HS3ST2: variants seen among roughly 807,000 people sequenced by gnomAD.
HS3ST2 encodes the protein heparan sulfate glucosamine 3-O-sulfotransferase 2.
A neutral mutation model predicts 26.3 loss-of-function variants in HS3ST2; 17 were observed. The ratio of observed to expected loss-of-function variants is 0.65; its 90% CI spans 0.44 to 0.97. The LOEUF (loss-of-function observed/expected upper bound fraction) is 0.97. Ranked by LOEUF, HS3ST2 falls within the 50% of genes least tolerant of loss-of-function variation. HS3ST2 has a pLI of 0.00. For missense variants in HS3ST2, 402 were observed against 501.2 expected (o/e 0.80, Z 1.89); for synonymous variants, 237 against 219.2 (o/e 1.08, Z -0.72).
chr16:22,837,651 GCA>G (rs1336199754), intron 1 of HS3ST2, among the ~76,000 whole-genome samples: 1 of 149,630 alleles, frequency 6.7e-6, no homozygotes, highest in Non-Finnish European at 1.5e-5. Flanking sequence ...ATATATGTAT[GCA>G]CACACACGTA....
In HS3ST2 at chr16:22,828,065, A is replaced by C. The variant is rs192064899; in HGVS notation, c.485+12970A>C. The stretch of plus-strand genomic sequence containing the variant: ...CTCTTCCTTACAAGTGACAGGCTGG[A>C]GTCTGAACCAAATATACTTCCCAAT... On this transcript the variant is annotated intron_variant, in intron 1 of 1. Coordinates refer to ENST00000261374, the MANE Select transcript of HS3ST2 (RefSeq NM_006043.2). Among the ~76,000 whole-genome samples the C allele has an allele frequency of 2.5e-4, 38 of 152,200 alleles. No individual in the cohort carries two copies. In the East Asian group the frequency reaches 6.0e-3, roughly 24 times the overall value.
chr16:22,890,941 C>G (rs765258303), intron 1 of HS3ST2, among the ~76,000 whole-genome samples: 3 of 152,202 alleles, frequency 2.0e-5, no homozygotes, highest in Non-Finnish European at 2.9e-5. Context: ...CAGAAGAAAT[C>G]ACCTGTGTTT....
intron 1 of HS3ST2, among the ~76,000 whole-genome samples, chr16:22,879,778 C>A (rs1271111080): frequency 6.6e-6 from 1 of 152,180 alleles, no homozygotes; most frequent in Non-Finnish European, 1.5e-5. Flanking sequence ...CTGCTGAATT[C>A]TTCCTCCAAT....
chr16:22,862,185 C>G (rs1478275009), intron 1 of HS3ST2, among the ~76,000 whole-genome samples: 1 of 151,640 alleles, frequency 6.6e-6, no homozygotes, highest in Non-Finnish European at 1.5e-5. Flanking sequence ...AATGCACCAA[C>G]AGACCAATTA....
chr16:22,894,769 G>A (rs529414127), intron 1 of HS3ST2, among the ~76,000 whole-genome samples: 5 of 151,148 alleles, frequency 3.3e-5, no homozygotes, highest in South Asian at 2.1e-4. Context: ...GGAGGCTGTC[G>A]TGCGCCGTGA....
chr16:22,873,388 G>C (rs776852315), intron 1 of HS3ST2, among the ~76,000 whole-genome samples: 1 of 152,202 alleles, frequency 6.6e-6, no homozygotes, highest in Non-Finnish European at 1.5e-5. Context: ...ACATTTAAAT[G>C]CTCACTAAAT....
At chr16:22,901,788 A>C (rs866772684) in intron 1 of HS3ST2, among the ~76,000 whole-genome samples, 3 of 152,064 alleles carry the variant, frequency 2.0e-5, no homozygotes, top group African/African-American at 7.2e-5. Context: ...CTTCCCGCCC[A>C]CACCTCAGCC....
At chr16:22,904,746 A>G (rs1902327075) in intron 1 of HS3ST2, among the ~76,000 whole-genome samples, 1 of 152,220 alleles carries the variant, frequency 6.6e-6, no homozygotes, top group Non-Finnish European at 1.5e-5. Context: ...AGGATCAGGA[A>G]GAGCCACAGA....
intron 1 of HS3ST2, among the ~76,000 whole-genome samples, chr16:22,848,992 T>C (rs1413711636): frequency 6.6e-6 from 1 of 152,230 alleles, no homozygotes; most frequent in Non-Finnish European, 1.5e-5. Context: ...ATTTAGAACA[T>C]TTAAAAATCC....
Position 22,823,700 on chromosome 16 carries a change from T to C in HS3ST2, c.485+8605T>C, listed in dbSNP as rs569214674. ...TACTTGGGAGGCTGACATGGGAGAT[T>C]CACTTGAGCCCAGGAGTTCGAGGCT... On this transcript the variant is annotated intron_variant, in intron 1 of 1. Coordinates refer to ENST00000261374, the MANE Select transcript of HS3ST2 (RefSeq NM_006043.2). 8.6e-5 allele frequency among the ~76,000 whole-genome samples: 13 copies of C among 151,810 alleles called. No homozygotes were observed. In the South Asian group the frequency reaches 2.7e-3, roughly 32 times the overall value.
rs767795389 is a variant in HS3ST2 at position 22,915,017 on chromosome 16, G to A, written c.559G>A (p.Ala187Thr). The A allele has an allele frequency of 3.1e-6, 5 of 1,614,004 alleles. No individual in the cohort carries two copies. Among genetic ancestry groups the A allele is most frequent in the East Asian group, 4.5e-5 (2 of 44,858 alleles). ...GCCCAGCTACTTTGTCACTCAAGAGGCTCCTCGACGCATCTTCAACATGTC... is the reference window on the plus strand; with the variant it reads ...GCCCAGCTACTTTGTCACTCAAGAGACTCCTCGACGCATCTTCAACATGTC... ...KTPSYFVTQE[A>T]PRRIFNMSRD... is the part of the protein sequence containing the mutation. Residue 187 changes from alanine (A) to threonine (T), a missense_variant, in exon 2 of 2, where the codon GCT becomes ACT. By Grantham distance (58) the Ala-to-Thr change is moderately conservative. Around this residue, in one of 2 missense-constraint regions of HS3ST2, gnomAD observed 237 missense variants for 346.6 expected, o/e 0.68. Coordinates refer to ENST00000261374, the MANE Select transcript of HS3ST2 (RefSeq NM_006043.2).
At position 22,915,234 on chromosome 16, in the gene HS3ST2, G is replaced by C. The variant is rs1393267296; in HGVS notation, c.776G>C (p.Ser259Thr). ...GGCATGTACGTGCTGCACCTGGAGAGCTGGCTGCAGTACTTCCCGCTAGCT... is the reference window on the plus strand; with the variant it reads ...GGCATGTACGTGCTGCACCTGGAGACCTGGCTGCAGTACTTCCCGCTAGCT... ...RIGMYVLHLE[S>T]WLQYFPLAQI... The change falls in exon 2 of 2, where the codon AGC (serine) becomes ACC (threonine). Residue 259 changes from serine (S) to threonine (T), a missense_variant. Physicochemically the swap from Ser to Thr is moderately conservative, Grantham distance 58. Around this residue, in one of 2 missense-constraint regions of HS3ST2, gnomAD observed 237 missense variants for 346.6 expected, o/e 0.68. Transcript: ENST00000261374. 3 of 1,614,066 alleles carry C rather than the reference G, an allele frequency of 1.9e-6. No homozygotes were observed. The highest frequency in any genetic ancestry group is 2.5e-6 in the Non-Finnish European group (3 of 1,180,050).
At chr16:22,815,786 C>G (rs1900857075) in intron 1 of HS3ST2, among the ~76,000 whole-genome samples, 1 of 152,216 alleles carries the variant, frequency 6.6e-6, no homozygotes, top group East Asian at 1.9e-4. Flanking sequence ...CCTCTATTTT[C>G]TCATCCATCC....
chr16:22,820,183 G>T (rs990988276), intron 1 of HS3ST2, among the ~76,000 whole-genome samples: 7 of 151,998 alleles, frequency 4.6e-5, no homozygotes. Context: ...CCCCCCATTT[G>T]TCTTGCAGCA....
intron 1 of HS3ST2, among the ~76,000 whole-genome samples, chr16:22,886,760 TTC>T (rs1313139533): frequency 2.0e-5 from 3 of 152,046 alleles, no homozygotes; most frequent in Non-Finnish European, 4.4e-5. Flanking sequence ...TCGATTCCAC[TTC>T]TTTTTCTTTT....
At chr16:22,854,405 G>A (rs1303253547) in intron 1 of HS3ST2, among the ~76,000 whole-genome samples, 1 of 151,962 alleles carries the variant, frequency 6.6e-6, no homozygotes, top group Non-Finnish European at 1.5e-5. Flanking sequence ...ACAGGTTCAG[G>A]TTTTTCTTTA....
chr16:22,829,674 G>C (rs16973454), intron 1 of HS3ST2, among the ~76,000 whole-genome samples: 6,206 of 152,168 alleles, frequency 0.041, 155 homozygotes, highest in Middle Eastern at 0.1. Context: ...GGTACTAGTG[G>C]CTTCTAATCC....
At chr16:22,878,165 T>A (rs1293155941) in intron 1 of HS3ST2, among the ~76,000 whole-genome samples, 1 of 152,274 alleles carries the variant, frequency 6.6e-6, no homozygotes, top group African/African-American at 2.4e-5. Flanking sequence ...GAATTTATTG[T>A]GTACATTATG....
chr16:22,832,922 G>A (rs558254874), intron 1 of HS3ST2, among the ~76,000 whole-genome samples: 4 of 151,844 alleles, frequency 2.6e-5, no homozygotes, highest in African/African-American at 9.7e-5. Context: ...AGCCAACTCA[G>A]CAAGGACCAA....
Sources: gnomAD v4.1 joint callset for allele counts (sites outside exome capture counted in the v4.1 genomes callset) on GRCh38, gnomAD v4.1.1 for gene constraint, gnomAD v4.1.1 regional missense constraint, MANE v1.5 for transcripts, NCBI Gene and HGNC (gene_info 2026-07-23, HGNC 2026-07-21) for gene names.